The following ARL3 variants were observed in gnomAD, a reference collection of about 807,000 sequenced individuals.
ARL3 encodes the protein ARF like GTPase 3.
Under a neutral mutation model 26.0 loss-of-function variants are expected in ARL3, and 9 were observed. That is an observed-to-expected ratio of 0.35 (90% CI 0.21 to 0.60). The LOEUF is 0.60. Ranked by LOEUF, ARL3 falls within the 20% of genes least tolerant of loss-of-function variation. ARL3 has a pLI of 0.78. For synonymous variants in ARL3, 71 were observed against 78.4 expected (o/e 0.91, Z 0.50); for missense variants, 158 against 215.7 (o/e 0.73, Z 1.67).
chr10:102,698,222 G>A (rs1045007773), intron 3 of ARL3, among the ~76,000 whole-genome samples: 12 of 151,562 alleles, frequency 7.9e-5, no homozygotes, highest in African/African-American at 2.9e-4. Flanking sequence ...CTTGTCTTGA[G>A]ACAGAGTATC....
At chr10:102,696,654 C>T (rs192565555) in intron 3 of ARL3, among the ~76,000 whole-genome samples, 1 of 152,252 alleles carries the variant, frequency 6.6e-6, no homozygotes, top group Non-Finnish European at 1.5e-5. Context: ...CGTCTGATGG[C>T]AATAGGTACA....
At chr10:102,707,162 G>A (rs527906383) in intron 1 of ARL3, among the ~76,000 whole-genome samples, 3 of 152,194 alleles carry the variant, frequency 2.0e-5, no homozygotes, top group East Asian at 3.9e-4. Context: ...GCCAGGCATG[G>A]TGGCGCAGGC....
chr10:102,698,711 T>TA (rs1360077922), intron 3 of ARL3, among the ~76,000 whole-genome samples: 5 of 152,190 alleles, frequency 3.3e-5, no homozygotes, highest in Admixed American at 6.5e-5. Context: ...AGCTGGGAGC[T>TA]AAAATCTCGG....
intron 5 of ARL3, among the ~76,000 whole-genome samples, chr10:102,684,614 T>TA (rs896361148): frequency 6.6e-6 from 1 of 152,024 alleles, no homozygotes; most frequent in African/African-American, 2.4e-5. Context: ...TAAAATATGT[T>TA]AGACAAATTT....
At chr10:102,701,422 C>G (rs1168433216) in intron 2 of ARL3, among the ~76,000 whole-genome samples, 1 of 152,202 alleles carries the variant, frequency 6.6e-6, no homozygotes, top group Non-Finnish European at 1.5e-5. Context: ...CACCCAATTT[C>G]CACTGCGGAT....
In ARL3 at chr10:102,703,118, C is replaced by CTTTTTTTT. The variant is rs1023724116; in HGVS notation, c.147+2220_147+2227dup. On this transcript the variant is annotated intron_variant, in intron 2 of 5. Transcript: ENST00000260746. The stretch of plus-strand genomic sequence containing the variant: ...TACAGTTTTTCCAATCAGGTCTTGT[C>CTTTTTTTT]TTTTTTTTTTTTTTTTTTTTTTGAG... Among the ~76,000 whole-genome samples the CTTTTTTTT allele has an allele frequency of 2.9e-4, 29 of 101,160 alleles. 1 individual carries two copies. Among genetic ancestry groups the CTTTTTTTT allele is most frequent in the Non-Finnish European group, 3.8e-4 (20 of 52,610 alleles). The allele number at this position is 101,160 out of a possible 152,430, so 66.4% of individuals were successfully genotyped here.
At chr10:102,707,303 G>GA (rs1176184847) in intron 1 of ARL3, among the ~76,000 whole-genome samples, 9 of 141,220 alleles carry the variant, frequency 6.4e-5, no homozygotes, top group Admixed American at 1.4e-4. Context: ...GTCTCAAAAA[G>GA]AAAAAAAAAG....
intron 1 of ARL3, among the ~76,000 whole-genome samples, chr10:102,708,908 A>ATATATATATATATATATATATTTTTTT: frequency 1.0e-5 from 1 of 95,350 alleles, no homozygotes; most frequent in African/African-American, 4.2e-5. Flanking sequence ...ATATATATAT[A>ATATATATATATATATATATATTTTTTT]TTTTTTTTTT....
At chr10:102,691,389 T>C (rs996609628) in intron 3 of ARL3, among the ~76,000 whole-genome samples, 14 of 151,536 alleles carry the variant, frequency 9.2e-5, no homozygotes, top group African/African-American at 3.2e-4. Flanking sequence ...TTTTTGTTCT[T>C]GCGACAGTTT....
At chr10:102,686,047 T>A in intron 4 of ARL3, 46 bp from the exon 5 acceptor site, 6 of 1,415,418 alleles carry the variant, frequency 4.2e-6, no homozygotes, top group Non-Finnish European at 4.9e-6. Flanking sequence ...AATCTATACA[T>A]CTATGATATT....
intron 3 of ARL3, among the ~76,000 whole-genome samples, chr10:102,691,262 T>G: frequency 8.7e-6 from 1 of 114,846 alleles, no homozygotes; most frequent in Non-Finnish European, 1.8e-5. Flanking sequence ...CCCAATGCTA[T>G]CCCTCCCCCC....
chr10:102,690,755 C>T (rs2064212781), intron 3 of ARL3, among the ~76,000 whole-genome samples: 1 of 152,156 alleles, frequency 6.6e-6, no homozygotes, highest in Non-Finnish European at 1.5e-5. Flanking sequence ...CCCCTCCCTT[C>T]CATCACACTT....
intron 5 of ARL3, among the ~76,000 whole-genome samples, chr10:102,683,810 G>A (rs1341864637): frequency 6.6e-6 from 1 of 152,096 alleles, no homozygotes; most frequent in African/African-American, 2.4e-5. Context: ...CCTGATGGGA[G>A]TTGGGGGAGG....
chr10:102,709,872 A>G (rs1178398502), intron 1 of ARL3, among the ~76,000 whole-genome samples: 1 of 151,858 alleles, frequency 6.6e-6, no homozygotes, highest in Admixed American at 6.6e-5. Context: ...GCCTCTACTA[A>G]AAATACAAAA....
At chr10:102,699,821 G>A (rs1272906165) in intron 2 of ARL3, among the ~76,000 whole-genome samples, 1 of 152,028 alleles carries the variant, frequency 6.6e-6, no homozygotes, top group Non-Finnish European at 1.5e-5. Flanking sequence ...GAATCTTCAG[G>A]ATGGTAAAAT....
At chr10:102,692,725 T>A (rs947959214) in intron 3 of ARL3, among the ~76,000 whole-genome samples, 1 of 151,550 alleles carries the variant, frequency 6.6e-6, no homozygotes, top group Non-Finnish European at 1.5e-5. Flanking sequence ...TTTCTTTTTT[T>A]TGAGACAGAG....
Position 102,695,177 on chromosome 10 carries a change from G to A in ARL3, c.264+4196C>T, listed in dbSNP as rs537067222. Reference sequence around the variant, plus strand: ...GTCAATATCCCCAAAGTAACTTGCTGTGATTTTGATTGGGATTCTATTAAA... The same window carrying A: ...GTCAATATCCCCAAAGTAACTTGCTATGATTTTGATTGGGATTCTATTAAA... On this transcript the variant is annotated intron_variant, in intron 3 of 5. Transcript: ENST00000260746. Among the ~76,000 whole-genome samples the A allele has an allele frequency of 5.3e-5, 8 of 152,314 alleles. No homozygotes were observed. In the South Asian group the frequency reaches 1.7e-3, roughly 32 times the overall value.
intron 2 of ARL3, among the ~76,000 whole-genome samples, chr10:102,701,473 C>T (rs1026476132): frequency 2.7e-4 from 41 of 152,304 alleles, no homozygotes; most frequent in African/African-American, 9.4e-4. Flanking sequence ...TGCTGACTCT[C>T]ACTTCTCTAA....
At chr10:102,678,822 G>A (rs2064142280) in intron 5 of ARL3, among the ~76,000 whole-genome samples, 1 of 152,260 alleles carries the variant, frequency 6.6e-6, no homozygotes, top group Non-Finnish European at 1.5e-5. Context: ...TCTCTGTTAT[G>A]GAGGCAAAGG....
Sources: allele counts gnomAD v4.1 joint callset (sites outside exome capture counted in the v4.1 genomes callset), GRCh38; gene constraint gnomAD v4.1.1; transcripts MANE v1.5; gene names NCBI Gene and HGNC (gene_info 2026-07-23, HGNC 2026-07-21).